CTNNA3: variants seen among roughly 807,000 people sequenced by gnomAD.
The protein encoded by CTNNA3 is catenin alpha 3.
In CTNNA3, 76 loss-of-function variants were observed where a neutral mutation model predicts 95.7. The ratio of observed to expected loss-of-function variants is 0.79; its 90% CI spans 0.66 to 0.96. The LOEUF is 0.96. Ranked by LOEUF, CTNNA3 falls within the 40% of genes least tolerant of loss-of-function variation. The pLI, the probability that CTNNA3 is intolerant of heterozygous loss-of-function variation, is 0.00. For synonymous variants in CTNNA3, 431 were observed against 374.4 expected (o/e 1.15, Z -1.74); for missense variants, 1,191 against 1,089.8 (o/e 1.09, Z -1.31).
At chr10:67,468,149 G>C (rs571349205) in intron 5 of CTNNA3, among the ~76,000 whole-genome samples, 1 of 151,642 alleles carries the variant, frequency 6.6e-6, no homozygotes, top group Non-Finnish European at 1.5e-5. Flanking sequence ...CCTAGTACCC[G>C]TTGGTGTTTT....
chr10:66,978,552 A>AAATATATATATATATATATAT, intron 7 of CTNNA3, among the ~76,000 whole-genome samples: 5 of 37,884 alleles, frequency 1.3e-4, no homozygotes, highest in South Asian at 1.2e-3. Context: ...AAAAAAAAAA[A>AAATATATATATATATATATAT]ATATATATAT....
intron 11 of CTNNA3, among the ~76,000 whole-genome samples, chr10:66,474,068 T>C (rs1201570796): frequency 2.0e-5 from 3 of 151,806 alleles, no homozygotes; most frequent in Non-Finnish European, 2.9e-5. Flanking sequence ...AATGGACTAA[T>C]ACAACTTTCA....
intron 9 of CTNNA3, among the ~76,000 whole-genome samples, chr10:66,682,746 C>G (rs1365497137): frequency 6.6e-6 from 1 of 150,894 alleles, no homozygotes; most frequent in East Asian, 1.9e-4. Flanking sequence ...CATGGTGAAG[C>G]CCTTTCAATA....
At chr10:66,336,540 C>G (rs973067045) in intron 12 of CTNNA3, among the ~76,000 whole-genome samples, 5 of 152,116 alleles carry the variant, frequency 3.3e-5, no homozygotes, top group African/African-American at 1.2e-4. Flanking sequence ...TAAGACATTC[C>G]TTATTAACAT....
Position 66,711,889 on chromosome 10 carries a change from A to G in CTNNA3, c.1281+54375T>C, listed in dbSNP as rs143011234. On this transcript the variant is annotated intron_variant, in intron 9 of 17. Coordinates refer to ENST00000433211, the MANE Select transcript of CTNNA3 (RefSeq NM_013266.4). ...CCAAACCTTACTTTCAAAAGTTCTTACCTTTCTTGTGTTTTTACTATTTAG... is the reference window on the plus strand; with the variant it reads ...CCAAACCTTACTTTCAAAAGTTCTTGCCTTTCTTGTGTTTTTACTATTTAG... Among the ~76,000 whole-genome samples, 244 of 151,952 alleles carry G rather than the reference A, an allele frequency of 1.6e-3. 1 individual carries two copies. Among genetic ancestry groups the G allele is most frequent in the African/African-American group, 5.6e-3 (231 of 41,448 alleles).
chr10:66,223,854 A>C (rs936579898), intron 13 of CTNNA3, among the ~76,000 whole-genome samples: 1 of 149,216 alleles, frequency 6.7e-6, no homozygotes, highest in Non-Finnish European at 1.5e-5. Flanking sequence ...CTTACCCTTC[A>C]CAATGTGGTT....
intron 15 of CTNNA3, among the ~76,000 whole-genome samples, chr10:66,044,923 G>C (rs2079795520): frequency 6.6e-6 from 1 of 152,130 alleles, no homozygotes; most frequent in Non-Finnish European, 1.5e-5. Context: ...AATTGGAATT[G>C]AGAAAGAGTA....
intron 12 of CTNNA3, among the ~76,000 whole-genome samples, chr10:66,293,937 T>G (rs1190577801): frequency 6.6e-6 from 1 of 152,072 alleles, no homozygotes; most frequent in East Asian, 1.9e-4. Context: ...AGTGTTGAAA[T>G]TACAGGCGTT....
At chr10:66,325,064 A>G (rs2092238191) in intron 12 of CTNNA3, among the ~76,000 whole-genome samples, 1 of 151,936 alleles carries the variant, frequency 6.6e-6, no homozygotes, top group South Asian at 2.1e-4. Flanking sequence ...GGAGCTACAC[A>G]GAGGAAGAAT....
chr10:66,352,741 T>C lies in CTNNA3; in HGVS notation c.1732+26411A>G, dbSNP rs141102992. Among the ~76,000 whole-genome samples, 469 of 152,222 alleles carry C rather than the reference T, an allele frequency of 3.1e-3. 3 individuals are homozygous for C. The highest frequency in any genetic ancestry group is 0.014 in the Middle Eastern group (4 of 294). ...AATGAAAAGAGAGAAGCAAATCACG[T>C]AAAGATACTTAACAATATAATTCCA... On this transcript the variant is annotated intron_variant, in intron 12 of 17. Coordinates refer to ENST00000433211, the MANE Select transcript of CTNNA3 (RefSeq NM_013266.4).
intron 11 of CTNNA3, among the ~76,000 whole-genome samples, chr10:66,425,733 C>T (rs2093235063): frequency 6.6e-6 from 1 of 151,910 alleles, no homozygotes; most frequent in Non-Finnish European, 1.5e-5. Context: ...CACACACATG[C>T]TTTTTATCAA....
At position 67,298,001 on chromosome 10, in the gene CTNNA3, A is replaced by C. The variant is rs1191990956; in HGVS notation, c.580-78131T>G. Reference sequence around the variant, plus strand: ...TAGTACATTGAGCCTGCTGGGCCATAAAATTAATGAGGCATAACAGTCATT... The same window carrying C: ...TAGTACATTGAGCCTGCTGGGCCATCAAATTAATGAGGCATAACAGTCATT... On this transcript the variant is annotated intron_variant, in intron 5 of 17. Transcript: ENST00000433211. Among the ~76,000 whole-genome samples, 4 of 152,262 alleles carry C rather than the reference A, an allele frequency of 2.6e-5. No individual in the cohort carries two copies. In the East Asian group the frequency reaches 7.7e-4, roughly 29 times the overall value.
At chr10:66,309,545 C>T (rs1490807619) in intron 12 of CTNNA3, among the ~76,000 whole-genome samples, 1 of 151,472 alleles carries the variant, frequency 6.6e-6, no homozygotes, top group Non-Finnish European at 1.5e-5. Flanking sequence ...AAAATAATAG[C>T]CGGGCATGGT....
At chr10:67,534,866 T>C (rs1840443310) in intron 4 of CTNNA3, among the ~76,000 whole-genome samples, 1 of 152,104 alleles carries the variant, frequency 6.6e-6, no homozygotes, top group South Asian at 2.1e-4. Context: ...TTATACTTGA[T>C]AGGACACAGA....
At chr10:66,798,641 A>C (rs572383021) in intron 7 of CTNNA3, among the ~76,000 whole-genome samples, 1 of 151,806 alleles carries the variant, frequency 6.6e-6, no homozygotes, top group African/African-American at 2.4e-5. Flanking sequence ...ACTTGGAAAT[A>C]GTGCATTGAA....
intron 9 of CTNNA3, among the ~76,000 whole-genome samples, chr10:66,622,147 T>C (rs1844773003): frequency 6.6e-6 from 1 of 152,156 alleles, no homozygotes; most frequent in Non-Finnish European, 1.5e-5. Flanking sequence ...ATGATTGTGA[T>C]TTATTTTAAA....
At chr10:66,265,419 T>G (rs551055557) in intron 13 of CTNNA3, among the ~76,000 whole-genome samples, 1 of 152,066 alleles carries the variant, frequency 6.6e-6, no homozygotes, top group East Asian at 1.9e-4. Context: ...AAAATGCAAA[T>G]TGGATCATGC....
At chr10:67,108,282 C>T (rs1200761343) in intron 7 of CTNNA3, among the ~76,000 whole-genome samples, 1 of 152,068 alleles carries the variant, frequency 6.6e-6, no homozygotes, top group Non-Finnish European at 1.5e-5. Context: ...ACATAAGAAG[C>T]TACTTTAGTT....
chr10:67,413,222 T>C (rs1009367578), intron 5 of CTNNA3, among the ~76,000 whole-genome samples: 1 of 152,136 alleles, frequency 6.6e-6, no homozygotes, highest in African/African-American at 2.4e-5. Context: ...TTCTTCATCA[T>C]TCAATTTTCA....
Sources: allele counts gnomAD v4.1 joint callset (sites outside exome capture counted in the v4.1 genomes callset), GRCh38; gene constraint gnomAD v4.1.1; transcripts MANE v1.5; gene names NCBI Gene and HGNC (gene_info 2026-07-23, HGNC 2026-07-21).